ADAMTS16: variants seen among roughly 807,000 people sequenced by gnomAD.
ADAMTS16 encodes the protein A disintegrin and metalloproteinase with thrombospondin motifs 16.
ADAMTS16 carries 94 observed loss-of-function variants against 145.8 expected under a neutral mutation model. The observed-to-expected ratio is 0.64, with a 90% confidence interval of 0.55 to 0.77. The LOEUF is 0.77. Ranked by LOEUF, ADAMTS16 falls within the 30% of genes least tolerant of loss-of-function variation. The pLI is 0.00. For missense variants in ADAMTS16, 1,585 were observed against 1,591.5 expected, an observed-to-expected ratio of 1.00 and a Z score of 0.07; for synonymous variants, 659 against 604.3, an observed-to-expected ratio of 1.09 and a Z score of -1.33.
intron 8 of ADAMTS16, among the ~76,000 whole-genome samples, chr5:5,198,011 G>T (rs2126587566): frequency 6.6e-6 from 1 of 152,292 alleles, no homozygotes; most frequent in African/African-American, 2.4e-5. Context: ...TTTGAGACTT[G>T]ATACTAGAAA....
At chr5:5,172,967 T>C (rs937811944) in intron 3 of ADAMTS16, among the ~76,000 whole-genome samples, 1 of 152,220 alleles carries the variant, frequency 6.6e-6, no homozygotes, top group African/African-American at 2.4e-5. Context: ...CTCATCAATA[T>C]ATAATGACCT....
chr5:5,140,558 C>A lies in ADAMTS16; in HGVS notation c.72+19C>A. On this transcript the variant is annotated intron_variant, in intron 1 of 22. Transcript: ENST00000274181. ...CGAGCAGGTGAGTCCCGGGCGCTCCCACCAGCGCGGAAACCGCGGGTCCGG... is the reference window on the plus strand; with the variant it reads ...CGAGCAGGTGAGTCCCGGGCGCTCCAACCAGCGCGGAAACCGCGGGTCCGG... 6.7e-7 allele frequency: 1 copy of A among 1,503,086 alleles called. No homozygotes were observed. The allele number at this position is 1,503,086 out of a possible 1,614,324, so 93.1% of individuals were successfully genotyped here.
Position 5,306,175 on chromosome 5 carries a change from A to C in ADAMTS16, c.3187-329A>C, listed in dbSNP as rs1323045168. On this transcript the variant is annotated intron_variant, in intron 20 of 22. Coordinates refer to ENST00000274181, the MANE Select transcript of ADAMTS16 (RefSeq NM_139056.4). ...CCCGTGGTAGTTACCACATGTACTTATGTATTAAGTTTCAGTATGCTTCGA... is the reference window on the plus strand; with the variant it reads ...CCCGTGGTAGTTACCACATGTACTTCTGTATTAAGTTTCAGTATGCTTCGA... Among the ~76,000 whole-genome samples the C allele has an allele frequency of 2.6e-5, 4 of 152,284 alleles. No individual in the cohort carries two copies. In the East Asian group the frequency reaches 7.7e-4, roughly 29 times the overall value.
chr5:5,163,943 C>T (rs937232294), intron 3 of ADAMTS16, among the ~76,000 whole-genome samples: 6 of 152,102 alleles, frequency 3.9e-5, no homozygotes, highest in African/African-American at 1.4e-4. Flanking sequence ...AGGAACTAGC[C>T]CTTTGTGATC....
chr5:5,188,955 C>A (rs954856719), intron 6 of ADAMTS16, among the ~76,000 whole-genome samples: 10 of 152,208 alleles, frequency 6.6e-5, no homozygotes, highest in African/African-American at 2.4e-4. Flanking sequence ...TTTGATCGTA[C>A]ACCTGTGTTA....
At chr5:5,158,519 G>T (rs2126522955) in intron 3 of ADAMTS16, among the ~76,000 whole-genome samples, 1 of 152,230 alleles carries the variant, frequency 6.6e-6, no homozygotes, top group Non-Finnish European at 1.5e-5. Flanking sequence ...CCATCATGCA[G>T]GTCCAAGGAG....
chr5:5,259,074 C>T (rs1258154882), intron 17 of ADAMTS16, among the ~76,000 whole-genome samples: 3 of 152,038 alleles, frequency 2.0e-5, no homozygotes, highest in Non-Finnish European at 2.9e-5. Flanking sequence ...CTGGGTGTGA[C>T]GTGGTGGCTC....
chr5:5,238,509 T>TA (rs1737181668), intron 14 of ADAMTS16, among the ~76,000 whole-genome samples: 1 of 152,326 alleles, frequency 6.6e-6, no homozygotes, highest in East Asian at 1.9e-4. Context: ...TTTATAAAAT[T>TA]AAAAAACACT....
intron 12 of ADAMTS16, among the ~76,000 whole-genome samples, chr5:5,232,858 C>T (rs1320428127): frequency 1.3e-5 from 2 of 152,108 alleles, no homozygotes; most frequent in African/African-American, 4.8e-5. Context: ...CCGCCGTGAC[C>T]TCCCAAAGTG....
At chr5:5,238,938 G>C (rs1480466946) in intron 14 of ADAMTS16, among the ~76,000 whole-genome samples, 1 of 152,196 alleles carries the variant, frequency 6.6e-6, no homozygotes, top group African/African-American at 2.4e-5. Context: ...GACAGGTTAC[G>C]GTTCACGGTT....
In ADAMTS16 at chr5:5,209,387, C is replaced by T. The variant is rs192579786; in HGVS notation, c.1605+141C>T. 3.7e-5 allele frequency: 37 copies of T among 988,026 alleles called. No individual in the cohort carries two copies. The East Asian group carries it at 4.0e-4, about 11-fold the overall frequency. 61.2% of individuals were successfully genotyped at this position (988,026 alleles called of 1,614,324 possible). On this transcript the variant is annotated intron_variant, in intron 10 of 22. Coordinates refer to ENST00000274181, the MANE Select transcript of ADAMTS16 (RefSeq NM_139056.4). ...GTATGTTAAGGCTGGTCCTGTATAA[C>T]GGGAAACACATGTTTCACTGGCAAA... is the stretch of plus-strand genomic sequence containing the variant.
intron 3 of ADAMTS16, among the ~76,000 whole-genome samples, chr5:5,174,952 G>A (rs971506087): frequency 7.2e-5 from 11 of 152,202 alleles, no homozygotes; most frequent in African/African-American, 2.2e-4. Flanking sequence ...TCTGACCCAG[G>A]GCTGACCCTG....
chr5:5,309,466 T>C (rs1401350972), intron 21 of ADAMTS16, among the ~76,000 whole-genome samples: 1 of 152,150 alleles, frequency 6.6e-6, no homozygotes, highest in Admixed American at 6.5e-5. Flanking sequence ...TAACCCATAG[T>C]AAGTATTCAG....
intron 14 of ADAMTS16, among the ~76,000 whole-genome samples, chr5:5,237,765 T>A (rs1737151104): frequency 6.6e-6 from 1 of 151,950 alleles, no homozygotes; most frequent in South Asian, 2.1e-4. Context: ...ACACTTTCAC[T>A]GAGGAGGGCG....
At chr5:5,168,697 TATA>T (rs1175515550) in intron 3 of ADAMTS16, among the ~76,000 whole-genome samples, 4 of 119,660 alleles carry the variant, frequency 3.3e-5, no homozygotes, top group African/African-American at 1.3e-4. Flanking sequence ...ATTATATAAA[TATA>T]ATATATAATA....
At chr5:5,279,692 T>G (rs1234862244) in intron 18 of ADAMTS16, among the ~76,000 whole-genome samples, 1 of 151,936 alleles carries the variant, frequency 6.6e-6, no homozygotes, top group East Asian at 1.9e-4. Flanking sequence ...TTTTTGAATT[T>G]TATCTTCCAG....
At position 5,190,195 on chromosome 5, in the gene ADAMTS16, G is replaced by A. The variant is rs991336719; in HGVS notation, c.1207+65G>A. ...TGTGCACCCCTGGCCGTGACACAGT[G>A]TTGAGTATTTTTGCCCTTGTTCCTT... On this transcript the variant is annotated intron_variant, in intron 7 of 22. Coordinates refer to ENST00000274181, the MANE Select transcript of ADAMTS16 (RefSeq NM_139056.4). 17 of 1,472,686 alleles carry A rather than the reference G, an allele frequency of 1.2e-5. No individual in the cohort carries two copies. In the South Asian group the frequency reaches 1.5e-4, roughly 13 times the overall value. The allele number at this position is 1,472,686 out of a possible 1,614,324, so 91.2% of individuals were successfully genotyped here.
At chr5:5,318,965 G>A in intron 22 of ADAMTS16, 58 bp from the exon 23 acceptor site, 5 of 1,290,394 alleles carry the variant, frequency 3.9e-6, no homozygotes, top group East Asian at 4.8e-5. Context: ...GCTATTAGCT[G>A]GCAACATCAG....
chr5:5,146,619 C>T (rs543320596), intron 3 of ADAMTS16, among the ~76,000 whole-genome samples, 164 bp downstream of exon 3: 3 of 152,336 alleles, frequency 2.0e-5, no homozygotes, highest in East Asian at 3.9e-4. Context: ...AAAAACATTG[C>T]GTGCCTCCTC....
Sources: gnomAD v4.1 joint callset for allele counts (sites outside exome capture counted in the v4.1 genomes callset) on GRCh38, gnomAD v4.1.1 for gene constraint, MANE v1.5 for transcripts, NCBI Gene and HGNC (gene_info 2026-07-23, HGNC 2026-07-21) for gene names.